Variants in RAPSN observed in about 807,000 individuals in gnomAD.
RAPSN encodes the protein 43 kDa receptor-associated protein of the synapse.
In RAPSN, 33 loss-of-function variants were observed where a neutral mutation model predicts 45.7. The ratio of observed to expected loss-of-function variants is 0.72; its 90% CI spans 0.55 to 0.97. RAPSN has a LOEUF of 0.97. Ranked by LOEUF, RAPSN falls within the 50% of genes least tolerant of loss-of-function variation. RAPSN has a pLI of 0.00. For synonymous variants in RAPSN, 244 were observed against 233.6 expected, an observed-to-expected ratio of 1.04 and a Z score of -0.40; for missense variants, 519 against 559.4, an observed-to-expected ratio of 0.93 and a Z score of 0.73.
rs750311748 is a variant in RAPSN at position 47,441,732 on chromosome 11, G to A, written c.791C>T (p.Thr264Ile). ...GGCGGAGTCGTACCTGGGGAAGGCT[G>A]TCTGCAGAGCCAGGTGGGGGATGGA... is the stretch of plus-strand genomic sequence containing the variant. ...DIHRSRGDLETAFPRYDSAMS... is the reference protein window; with the variant it reads ...DIHRSRGDLEIAFPRYDSAMS... The change falls in exon 5 of 8, where the codon ACA becomes ATA. Residue 264 changes from threonine (T) to isoleucine (I), a missense_variant and splice_region_variant. Physicochemically the swap from Thr to Ile is moderately conservative, Grantham distance 89. Coordinates refer to ENST00000298854, the MANE Select transcript of RAPSN (RefSeq NM_005055.5). 26 of 1,606,712 alleles carry A rather than the reference G, an allele frequency of 1.6e-5. No individual in the cohort carries two copies. In the South Asian group the frequency reaches 2.5e-4, roughly 16 times the overall value.
chr11:47,438,462 A>G (rs1179036244), intron 7 of RAPSN: 3 of 574,098 alleles, frequency 5.2e-6, no homozygotes, highest in Non-Finnish European at 9.3e-6. Context: ...AGTTGGGATT[A>G]CAGGCTCCCA....
rs2076376159 is a variant in RAPSN at position 47,442,817 on chromosome 11, G to T, written c.532-3C>A. On this transcript the variant is annotated splice_region_variant and splice_polypyrimidine_tract_variant and intron_variant, in intron 2 of 7. Transcript: ENST00000298854. The stretch of plus-strand genomic sequence containing the variant: ...AAGAACAGGGCTTTCTCGTAGTCCT[G>T]CAGGGGACATGGAATGGAAGGAGGC... 6.2e-7 allele frequency: 1 copy of T among 1,613,844 alleles called. No homozygotes were observed. The highest frequency in any genetic ancestry group is 1.7e-5 in the Admixed American group (1 of 59,996).
At chr11:47,448,635 T>C (rs1477142426) in intron 1 of RAPSN, 138 bp downstream of exon 1, 4 of 1,113,422 alleles carry the variant, frequency 3.6e-6, no homozygotes, top group Admixed American at 4.6e-5. Context: ...GCCTTAGATA[T>C]AAATTCAGAG....
Position 47,448,925 on chromosome 11 carries a change from G to T in RAPSN, c.40C>A (p.Leu14Ile). The T allele has an allele frequency of 6.2e-7, 1 of 1,614,248 alleles. No homozygotes were observed. Among genetic ancestry groups the T allele is most frequent in the Non-Finnish European group, 8.5e-7 (1 of 1,180,046 alleles). Residue 14 changes from leucine to isoleucine, a missense_variant, in exon 1 of 8, where the codon CTC becomes ATC. Leu to Ile is a conservative substitution (Grantham distance 5, BLOSUM62 2). Coordinates refer to ENST00000298854, the MANE Select transcript of RAPSN (RefSeq NM_005055.5). Reference protein sequence around the residue: ...DQTKQQIEKGLQLYQSNQTEK... With the variant: ...DQTKQQIEKGIQLYQSNQTEK... ...GTCTGGTTGGACTGGTACAGCTGGA[G>T]CCCCTTCTCGATCTGCTGCTTGGTC...
chr11:47,438,376 A>G, intron 7 of RAPSN: 1 of 570,230 alleles, frequency 1.8e-6, no homozygotes, highest in Non-Finnish European at 3.1e-6. Context: ...TTATGAAAAG[A>G]ATGGCCACAG....
intron 1 of RAPSN, 42 bp downstream of exon 1, chr11:47,448,731 C>A: frequency 4.4e-6 from 7 of 1,600,700 alleles, no homozygotes; most frequent in Non-Finnish European, 5.9e-6. Context: ...GACATCCGGC[C>A]CCAGCCTGAC....
chr11:47,442,037 G>A (rs1489176584), intron 3 of RAPSN, 116 bp from the exon 4 acceptor site: 1 of 1,073,232 alleles, frequency 9.3e-7, no homozygotes, highest in African/African-American at 1.6e-5. Flanking sequence ...TCAGAGCCTA[G>A]TGAATCTATC....
chr11:47,448,873 T>C lies in RAPSN; in HGVS notation c.92A>G (p.Lys31Arg). ...QTEKALQVWTKVLEKSSDLMG... is the reference protein window; with the variant it reads ...QTEKALQVWTRVLEKSSDLMG... ...GAGGTCCGAGCTCTTCTCCAGCACC[T>C]TTGTCCACACCTGCAATGCCTTCTC... The change falls in exon 1 of 8, where the codon AAG becomes AGG. Residue 31 changes from lysine (K) to arginine (R), a missense_variant. Lys to Arg is a conservative substitution (Grantham distance 26). Coordinates refer to ENST00000298854, the MANE Select transcript of RAPSN (RefSeq NM_005055.5). 1 of 1,614,196 alleles carries C rather than the reference T, an allele frequency of 6.2e-7. No individual in the cohort carries two copies. Among genetic ancestry groups the C allele is most frequent in the East Asian group, 2.2e-5 (1 of 44,860 alleles).
chr11:47,441,537 G>A (rs748623672), intron 5 of RAPSN, 74 bp downstream of exon 5: 75 of 1,593,398 alleles, frequency 4.7e-5, no homozygotes, highest in Non-Finnish European at 6.1e-5. Context: ...GTGGCTGAAA[G>A]AGCCGGCTAA....
chr11:47,438,695 C>T (rs751962214), intron 7 of RAPSN, 37 bp downstream of exon 7: 1 of 1,551,202 alleles, frequency 6.4e-7, no homozygotes, highest in South Asian at 1.2e-5. Context: ...CCGAAGAGAT[C>T]CTGCCCACCC....
chr11:47,447,681 G>A, intron 2 of RAPSN, 131 bp downstream of exon 2: 1 of 1,094,752 alleles, frequency 9.1e-7, no homozygotes. Flanking sequence ...AAGCCTTTTT[G>A]CTCTCTGATT....
chr11:47,443,116 A>G (rs758934703), intron 2 of RAPSN, among the ~76,000 whole-genome samples: 1 of 152,190 alleles, frequency 6.6e-6, no homozygotes, highest in Non-Finnish European at 1.5e-5. Flanking sequence ...AAAGACAAGA[A>G]AACACAGTTG....
At position 47,437,915 on chromosome 11, in the gene RAPSN, G is replaced by A. The variant is rs759218351; in HGVS notation, c.*60C>T. 159 of 1,545,366 alleles carry A rather than the reference G, an allele frequency of 1.0e-4. No homozygotes were observed. Among genetic ancestry groups the A allele is most frequent in the Non-Finnish European group, 1.2e-4 (140 of 1,141,838 alleles). ...CTGCCCCAGGAGTAAATGGGCCTCT[G>A]GCGTGCAGTGGAGAAAGAGCAGGAG... On this transcript the variant is annotated 3_prime_UTR_variant, in exon 8 of 8. Transcript: ENST00000298854.
Position 47,438,864 on chromosome 11 carries a change from A to G in RAPSN, c.1034T>C (p.Leu345Pro). 1 of 1,567,978 alleles carries G rather than the reference A, an allele frequency of 6.4e-7. No individual in the cohort carries two copies. Among genetic ancestry groups the G allele is most frequent in the Admixed American group, 1.9e-5 (1 of 52,832 alleles). ...IYRSKGLQRE[L>P]RAHVVRFHEC... is the part of the protein sequence containing the mutation. The stretch of plus-strand genomic sequence containing the variant: ...GTGGAACCTCACAACGTGCGCCCGC[A>G]GTTCCCGCTGCAGCCCTTTGCTGCG... Residue 345 changes from leucine to proline, a missense_variant, in exon 7 of 8, where the codon CTG becomes CCG. Physicochemically the swap from Leu to Pro is moderately conservative, Grantham distance 98. Coordinates refer to ENST00000298854, the MANE Select transcript of RAPSN (RefSeq NM_005055.5).
rs932174062 is a variant in RAPSN at position 47,449,059 on chromosome 11, C to T, written c.-95G>A. ...AGGAATCACAGTGCCAGCTGCCCCC[C>T]GAAACGTGGGAACAAAAGCAGCGTC... On this transcript the variant is annotated 5_prime_UTR_variant, in exon 1 of 8. Coordinates refer to ENST00000298854, the MANE Select transcript of RAPSN (RefSeq NM_005055.5). The T allele has an allele frequency of 3.5e-5, 52 of 1,484,584 alleles. No individual in the cohort carries two copies. In the South Asian group the frequency reaches 4.1e-4, roughly 12 times the overall value. The allele number at this position is 1,484,584 out of a possible 1,614,324, so 92.0% of individuals were successfully genotyped here.
intron 3 of RAPSN, 59 bp from the exon 4 acceptor site, chr11:47,441,980 C>T (rs959107672): frequency 6.7e-7 from 1 of 1,495,906 alleles, no homozygotes. Context: ...GGAGTGCCCT[C>T]CCCTCAACAG....
intron 2 of RAPSN, among the ~76,000 whole-genome samples, chr11:47,444,098 C>A (rs2076386684): frequency 6.6e-6 from 1 of 152,028 alleles, no homozygotes; most frequent in Non-Finnish European, 1.5e-5. Context: ...ATTTAACAAG[C>A]AGCTCCAAGT....
rs550897583 is a variant in RAPSN at position 47,449,122 on chromosome 11, C to A, written c.-158G>T. ...GAATGGGGCCTGGATGGAGAGCAGG[C>A]GCCACCCTGGGAACAAAGCTGGTTC... On this transcript the variant is annotated 5_prime_UTR_variant, in exon 1 of 8. Coordinates refer to ENST00000298854, the MANE Select transcript of RAPSN (RefSeq NM_005055.5). The A allele has an allele frequency of 7.8e-5, 67 of 857,378 alleles. No individual in the cohort carries two copies. The highest frequency in any genetic ancestry group is 3.2e-5 in the Non-Finnish European group (17 of 530,396). 53.1% of individuals were successfully genotyped at this position (857,378 alleles called of 1,614,324 possible). A position where few individuals can be genotyped will look rare whatever the true frequency, so the allele number is the denominator to read the frequency against.
intron 7 of RAPSN, 163 bp downstream of exon 7, chr11:47,438,569 C>T (rs1039203064): frequency 1.9e-5 from 15 of 781,900 alleles, no homozygotes; most frequent in South Asian, 5.3e-5. Flanking sequence ...GTGATCAGCC[C>T]GCCTCGGCCT....
Sources: allele counts gnomAD v4.1 joint callset (sites outside exome capture counted in the v4.1 genomes callset), GRCh38; gene constraint gnomAD v4.1.1; transcripts MANE v1.5; gene names NCBI Gene and HGNC (gene_info 2026-07-23, HGNC 2026-07-21).